LYN: variants seen among roughly 807,000 people sequenced by gnomAD.
LYN encodes the protein LYN proto-oncogene, Src family tyrosine kinase.
LYN carries 12 observed loss-of-function variants against 65.0 expected under a neutral mutation model. The observed-to-expected ratio is 0.18, with a 90% CI of 0.12 to 0.30. LYN has a LOEUF of 0.30. Among genes scored for constraint, LYN ranks in the 10% least tolerant of loss-of-function variants. LYN has a pLI of 1.00. For synonymous variants in LYN, 222 were observed against 221.2 expected, an observed-to-expected ratio of 1.00 and a Z score of -0.03; for missense variants, 380 against 623.2, an observed-to-expected ratio of 0.61 and a Z score of 4.16.
intron 1 of LYN, among the ~76,000 whole-genome samples, chr8:55,893,100 C>T (rs977362376): frequency 1.3e-5 from 2 of 152,238 alleles, no homozygotes; most frequent in East Asian, 1.9e-4. Context: ...CCACCGGCAT[C>T]TCTCTGTGTG....
At chr8:55,936,885 T>A (rs551424078) in intron 1 of LYN, among the ~76,000 whole-genome samples, 55 of 152,342 alleles carry the variant, frequency 3.6e-4, no homozygotes, top group African/African-American at 1.3e-3. Context: ...GACCTTTGAT[T>A]ACCTAGCACA....
chr8:55,942,583 G>A (rs561666557), intron 2 of LYN, among the ~76,000 whole-genome samples: 3 of 151,202 alleles, frequency 2.0e-5, no homozygotes, highest in Non-Finnish European at 2.9e-5. Context: ...TCAGGAGCTC[G>A]AGACCAGCCT....
chr8:55,998,985 T>C (rs1010264366), intron 11 of LYN, among the ~76,000 whole-genome samples: 1 of 152,212 alleles, frequency 6.6e-6, no homozygotes, highest in African/African-American at 2.4e-5. Flanking sequence ...ATTATATATA[T>C]GAACCAAAAA....
Position 56,010,870 on chromosome 8 carries a change from AACT to A in LYN, c.*761_*763del, listed in dbSNP as rs1808796574. The A allele has an allele frequency of 5.2e-5, 12 of 229,604 alleles. No individual in the cohort carries two copies. The highest frequency in any genetic ancestry group is 1.1e-4 in the Admixed American group (2 of 17,668). 14.2% of individuals were successfully genotyped at this position (229,604 alleles called of 1,614,324 possible). On this transcript the variant is annotated 3_prime_UTR_variant, in exon 13 of 13. Transcript: ENST00000519728. Reference sequence around the variant, plus strand: ...CCAGGAAAGGGAGAAGAGCCTCAGAAACTGCTCTGTGTTTAGAAGGAATATTTT... The same window carrying A: ...CCAGGAAAGGGAGAAGAGCCTCAGAAGCTCTGTGTTTAGAAGGAATATTTT...
At chr8:55,944,952 G>A (rs1275995487) in intron 2 of LYN, among the ~76,000 whole-genome samples, 1 of 152,182 alleles carries the variant, frequency 6.6e-6, no homozygotes, top group Non-Finnish European at 1.5e-5. Flanking sequence ...ATTCCCTCCT[G>A]TATACCATTT....
At chr8:55,927,966 G>C (rs981262895) in intron 1 of LYN, among the ~76,000 whole-genome samples, 1 of 152,196 alleles carries the variant, frequency 6.6e-6, no homozygotes, top group Non-Finnish European at 1.5e-5. Flanking sequence ...TAAGGGTATT[G>C]TTTAGTTTTA....
At chr8:55,952,180 A>C in intron 7 of LYN, 65 bp downstream of exon 7, 1 of 1,342,404 alleles carries the variant, frequency 7.4e-7, no homozygotes, top group Non-Finnish European at 1.0e-6. Context: ...AAGACGTCAA[A>C]CGCTATTTTT....
At chr8:55,944,583 C>T (rs145892018) in intron 2 of LYN, among the ~76,000 whole-genome samples, 119 of 152,312 alleles carry the variant, frequency 7.8e-4, no homozygotes, top group African/African-American at 2.6e-3. Context: ...TGAGTTCAAG[C>T]GATTCTCCTG....
intron 1 of LYN, among the ~76,000 whole-genome samples, chr8:55,921,218 G>C (rs1805938645): frequency 1.3e-5 from 2 of 152,168 alleles, no homozygotes; most frequent in Non-Finnish European, 2.9e-5. Context: ...CACAAACTAT[G>C]GAATAAGCAC....
chr8:55,911,978 C>T (rs1224906247), intron 1 of LYN, among the ~76,000 whole-genome samples: 1 of 152,054 alleles, frequency 6.6e-6, no homozygotes, highest in Admixed American at 6.6e-5. Flanking sequence ...AGCTCAATAT[C>T]GTCGTGGTGT....
chr8:56,009,725 G>A (rs1443343836), intron 12 of LYN, among the ~76,000 whole-genome samples, 183 bp from the exon 13 acceptor site: 2 of 152,090 alleles, frequency 1.3e-5, no homozygotes, highest in Non-Finnish European at 2.9e-5. Flanking sequence ...AGGTGTACGC[G>A]GGGTTAGGAC....
At chr8:55,960,899 C>T (rs1807253978) in intron 8 of LYN, among the ~76,000 whole-genome samples, 1 of 152,094 alleles carries the variant, frequency 6.6e-6, no homozygotes, top group East Asian at 1.9e-4. Context: ...CAAGCTGTTT[C>T]CTCTTGTTTG....
At chr8:55,989,329 G>A (rs1808175301) in intron 10 of LYN, among the ~76,000 whole-genome samples, 1 of 152,196 alleles carries the variant, frequency 6.6e-6, no homozygotes, top group Admixed American at 6.5e-5. Flanking sequence ...AATTGAGATT[G>A]TGCTCTCTAT....
chr8:56,013,939 A>G lies in LYN; in HGVS notation c.*3829A>G, dbSNP rs1455875247. 1 of 152,220 alleles carries G rather than the reference A, an allele frequency of 6.6e-6. No homozygotes were observed. Among genetic ancestry groups the G allele is most frequent in the Non-Finnish European group, 1.5e-5 (1 of 68,044 alleles). 9.4% of individuals were successfully genotyped at this position (152,220 alleles called of 1,614,324 possible). A position where few individuals can be genotyped will look rare whatever the true frequency, so the allele number is the denominator to read the frequency against. ...AGTCTTGCTGTTCTTCCTGATGGAA[A>G]TGGTAATTATAAACATACAAAGATA... is the stretch of plus-strand genomic sequence containing the variant. On this transcript the variant is annotated 3_prime_UTR_variant, in exon 13 of 13. Transcript: ENST00000519728.
intron 10 of LYN, among the ~76,000 whole-genome samples, chr8:55,981,150 G>A (rs532215515): frequency 5.3e-5 from 8 of 152,186 alleles, no homozygotes; most frequent in African/African-American, 1.7e-4. Flanking sequence ...CCACTTCCTG[G>A]AAGCGCTCAC....
intron 10 of LYN, among the ~76,000 whole-genome samples, chr8:55,990,522 A>G (rs904464688): frequency 2.0e-4 from 30 of 152,230 alleles, no homozygotes; most frequent in African/African-American, 6.5e-4. Context: ...TTTCCCCCAT[A>G]AGAGATGGCT....
At chr8:55,901,938 C>A (rs975985382) in intron 1 of LYN, among the ~76,000 whole-genome samples, 6 of 152,030 alleles carry the variant, frequency 3.9e-5, no homozygotes, top group Admixed American at 3.9e-4. Flanking sequence ...TGCACAGACA[C>A]GGGAAAGGAT....
At chr8:55,965,773 A>G (rs138433006) in intron 8 of LYN, among the ~76,000 whole-genome samples, 19 of 152,316 alleles carry the variant, frequency 1.2e-4, no homozygotes, top group African/African-American at 4.6e-4. Flanking sequence ...TAGCATATAT[A>G]GAGTTTTGTT....
chr8:55,928,381 G>C (rs908915740), intron 1 of LYN, among the ~76,000 whole-genome samples: 6 of 152,118 alleles, frequency 3.9e-5, no homozygotes, highest in Admixed American at 6.6e-5. Context: ...CCTGACCTCA[G>C]GTGATCCGCC....
Sources: allele counts gnomAD v4.1 joint callset (sites outside exome capture counted in the v4.1 genomes callset), GRCh38; gene constraint gnomAD v4.1.1; transcripts MANE v1.5; gene names NCBI Gene and HGNC (gene_info 2026-07-23, HGNC 2026-07-21).